Variants in P4HB observed in about 807,000 individuals in gnomAD.
P4HB encodes the protein protein disulfide-isomerase.
A neutral mutation model predicts 52.6 loss-of-function variants in P4HB; 20 were observed. The ratio of observed to expected loss-of-function variants is 0.38; its 90% confidence interval spans 0.27 to 0.55. P4HB has a LOEUF of 0.55. Ranked by LOEUF, P4HB falls within the 20% of genes least tolerant of loss-of-function variation. P4HB has a pLI of 0.74. For missense variants in P4HB, 601 were observed against 669.2 expected (o/e 0.90, Z 1.12); for synonymous variants, 296 against 277.9 (o/e 1.07, Z -0.65).
At chr17:81,849,024 C>T (rs1256623731) in intron 4 of P4HB, among the ~76,000 whole-genome samples, 2 of 142,866 alleles carry the variant, frequency 1.4e-5, no homozygotes, top group African/African-American at 5.2e-5. Context: ...CCAGCCTGGG[C>T]AACAGAGCAA....
At position 81,855,182 on chromosome 17, in the gene P4HB, T is replaced by C. The variant is rs1397087099; in HGVS notation, c.584A>G (p.Lys195Arg). 8 of 1,614,110 alleles carry C rather than the reference T, an allele frequency of 5.0e-6. No individual in the cohort carries two copies. Among genetic ancestry groups the C allele is most frequent in the Non-Finnish European group, 6.8e-6 (8 of 1,180,002 alleles). ...GITSNSDVFS[K>R]YQLDKDGVVL... Reference sequence around the variant, plus strand: ...AACCCCATCTTTGTCGAGCTGGTATTTGGAGAACACGTCACTGTTGGAAGT... The same window carrying C: ...AACCCCATCTTTGTCGAGCTGGTATCTGGAGAACACGTCACTGTTGGAAGT... Residue 195 changes from lysine (K) to arginine (R), a missense_variant, in exon 4 of 11, where the codon AAA (lysine) becomes AGA (arginine). Lys to Arg is a conservative substitution (Grantham distance 26, BLOSUM62 2). Coordinates refer to ENST00000331483, the MANE Select transcript of P4HB (RefSeq NM_000918.4). The surrounding 1 kb of genome is among the most constrained non-coding windows in gnomAD (Gnocchi z 4.3).
chr17:81,847,409 G>A (rs1425070858), intron 4 of P4HB, 62 bp from the exon 5 acceptor site: 7 of 1,421,598 alleles, frequency 4.9e-6, no homozygotes, highest in Non-Finnish European at 7.0e-6. Context: ...CCTGGGCCCG[G>A]GTCTCCCTGG....
chr17:81,859,155 G>GT (rs2038959075), intron 2 of P4HB, 26 bp downstream of exon 2: 1 of 1,605,220 alleles, frequency 6.2e-7, no homozygotes, highest in Admixed American at 1.7e-5. Context: ...TCTAAAGACA[G>GT]TTCAAGGGCA....
intron 4 of P4HB, among the ~76,000 whole-genome samples, chr17:81,854,604 T>C (rs1368643994): frequency 2.0e-5 from 3 of 151,352 alleles, no homozygotes; most frequent in Non-Finnish European, 4.4e-5. Flanking sequence ...CCCAGCACTT[T>C]GGGAGGCTGA....
intron 5 of P4HB, 59 bp downstream of exon 5, chr17:81,847,184 A>G: frequency 6.3e-7 from 1 of 1,599,754 alleles, no homozygotes; most frequent in Non-Finnish European, 8.6e-7. Context: ...CGGGAGCCTC[A>G]TGCCACCCCC....
In P4HB at chr17:81,843,557, G is replaced by A. The variant is rs577027305; in HGVS notation, c.*455C>T. 19 of 426,588 alleles carry A rather than the reference G, an allele frequency of 4.5e-5. No individual in the cohort carries two copies. The highest frequency in any genetic ancestry group is 6.1e-5 in the African/African-American group (3 of 49,336). 26.4% of individuals were successfully genotyped at this position (426,588 alleles called of 1,614,324 possible). A position where few individuals can be genotyped will look rare whatever the true frequency, so the allele number is the denominator to read the frequency against. ...GGTACTGAGTGACCATGTCCAGTCC[G>A]GCTCCGTCCCTCCCACACGGGGGAC... On this transcript the variant is annotated 3_prime_UTR_variant, in exon 11 of 11. Transcript: ENST00000331483.
At chr17:81,851,351 C>T (rs1369053692) in intron 4 of P4HB, among the ~76,000 whole-genome samples, 1 of 152,238 alleles carries the variant, frequency 6.6e-6, no homozygotes, top group Non-Finnish European at 1.5e-5. Context: ...CTCTTGTGCA[C>T]GCTGTGCCTG....
intron 1 of P4HB, chr17:81,860,045 T>G (rs2038974251): frequency 1.3e-5 from 4 of 304,010 alleles, no homozygotes; most frequent in Non-Finnish European, 6.1e-6. Flanking sequence ...GGCTGGACAC[T>G]GGCTTGCTCT....
chr17:81,856,513 T>C (rs1367902208), intron 2 of P4HB, among the ~76,000 whole-genome samples: 1 of 151,658 alleles, frequency 6.6e-6, no homozygotes, highest in African/African-American at 2.4e-5. Context: ...AATTTTTGTA[T>C]GTTTAGCAGA....
At chr17:81,856,301 G>C (rs1487601109) in intron 2 of P4HB, among the ~76,000 whole-genome samples, 1 of 151,716 alleles carries the variant, frequency 6.6e-6, no homozygotes, top group Non-Finnish European at 1.5e-5. Flanking sequence ...CAAGTAGCTG[G>C]GACCACAGGC....
chr17:81,858,138 G>A (rs1250137170), intron 2 of P4HB, among the ~76,000 whole-genome samples: 1 of 151,662 alleles, frequency 6.6e-6, no homozygotes, highest in Non-Finnish European at 1.5e-5. Flanking sequence ...CAGGCGTGGT[G>A]GTGCACACCT....
At chr17:81,844,300 A>G (rs1379836183) in intron 10 of P4HB, among the ~76,000 whole-genome samples, 5 of 152,222 alleles carry the variant, frequency 3.3e-5, no homozygotes, top group African/African-American at 1.2e-4. Flanking sequence ...TGCCTATAGC[A>G]GGATGAATCA....
In P4HB at chr17:81,859,283, C is replaced by T. The variant is rs762514795; in HGVS notation, c.250G>A (p.Ala84Thr). ...GSEIRLAKVD[A>T]TEESDLAQQY... ...TGGGCCAGGTCAGACTCCTCCGTGG[C>T]GTCCACCTTGGCCAACCTGATCTCG... Residue 84 changes from alanine to threonine, a missense_variant, in exon 2 of 11, where the codon GCC becomes ACC. By Grantham distance (58) the Ala-to-Thr change is moderately conservative. Coordinates refer to ENST00000331483, the MANE Select transcript of P4HB (RefSeq NM_000918.4). 8 of 1,614,026 alleles carry T rather than the reference C, an allele frequency of 5.0e-6. No individual in the cohort carries two copies. The highest frequency in any genetic ancestry group is 5.9e-6 in the Non-Finnish European group (7 of 1,180,022).
chr17:81,855,419 G>A lies in P4HB; in HGVS notation c.486+34C>T. 3 of 1,599,196 alleles carry A rather than the reference G, an allele frequency of 1.9e-6. No individual in the cohort carries two copies. The highest frequency in any genetic ancestry group is 1.7e-6 in the Non-Finnish European group (2 of 1,169,888). On this transcript the variant is annotated intron_variant, in intron 3 of 10. Transcript: ENST00000331483. This position sits in a 1 kb window ranked among gnomAD's most constrained non-coding sequence, Gnocchi z 4.3. ...GTGGACCCCTCCTCAATGGATGACG[G>A]AAGGAAGGAAGACTGGAATGCTCTG...
chr17:81,847,227 T>C lies in P4HB; in HGVS notation c.729+16A>G, dbSNP rs947118910. ...TCCTCCCCATCCCCAGCCTGGGGGCTGCAGGGCAGCCGCACCTGCTCGGTG... is the reference window on the plus strand; with the variant it reads ...TCCTCCCCATCCCCAGCCTGGGGGCCGCAGGGCAGCCGCACCTGCTCGGTG... On this transcript the variant is annotated intron_variant, in intron 5 of 10. Transcript: ENST00000331483. The C allele has an allele frequency of 3.1e-6, 5 of 1,611,816 alleles. No homozygotes were observed. Among genetic ancestry groups the C allele is most frequent in the African/African-American group, 2.7e-5 (2 of 74,886 alleles).
rs906801305 is a variant in P4HB at position 81,846,684 on chromosome 17, A to G, written c.856-55T>C. The G allele has an allele frequency of 1.3e-5, 20 of 1,545,078 alleles. No individual in the cohort carries two copies. Among genetic ancestry groups the G allele is most frequent in the Non-Finnish European group, 1.4e-5 (16 of 1,125,168 alleles). Reference sequence around the variant, plus strand: ...CGGGAGACGGCTGGCCTCTGCCTCCAGCCCTGACTTTGCTCGGAAGCAGAC... The same window carrying G: ...CGGGAGACGGCTGGCCTCTGCCTCCGGCCCTGACTTTGCTCGGAAGCAGAC... On this transcript the variant is annotated intron_variant, in intron 6 of 10. Transcript: ENST00000331483. This position sits in a 1 kb window ranked among gnomAD's most constrained non-coding sequence, Gnocchi z 5.7.
rs756810429 is a variant in P4HB at position 81,846,384 on chromosome 17, C to T, written c.1056+45G>A. On this transcript the variant is annotated intron_variant, in intron 7 of 10. Transcript: ENST00000331483. The surrounding 1 kb of genome is among the most constrained non-coding windows in gnomAD (Gnocchi z 5.7). ...TGAGAGCCCAGAGACCCCAAGGTGG[C>T]GGCTCTACCCGGGAGGCAGCCCTGG... 14 of 1,565,122 alleles carry T rather than the reference C, an allele frequency of 8.9e-6. No homozygotes were observed. Among genetic ancestry groups the T allele is most frequent in the Middle Eastern group, 1.8e-4 (1 of 5,554 alleles).
At chr17:81,851,056 G>T (rs2038823744) in intron 4 of P4HB, among the ~76,000 whole-genome samples, 1 of 151,832 alleles carries the variant, frequency 6.6e-6, no homozygotes, top group Non-Finnish European at 1.5e-5. Flanking sequence ...TCAGCCTCCT[G>T]AGTAGCTGGG....
rs776133642 is a variant in P4HB at position 81,855,513 on chromosome 17, G to C, written c.426C>G (p.Asp142Glu). 6.2e-7 allele frequency: 1 copy of C among 1,613,936 alleles called. No homozygotes were observed. Among genetic ancestry groups the C allele is most frequent in the Non-Finnish European group, 8.5e-7 (1 of 1,179,988 alleles). The change falls in exon 3 of 11, where the codon GAC becomes GAG. Residue 142 changes from aspartate (D) to glutamate (E), a missense_variant. Physicochemically the swap from Asp to Glu is conservative, Grantham distance 45. Coordinates refer to ENST00000331483, the MANE Select transcript of P4HB (RefSeq NM_000918.4). The surrounding 1 kb of genome is among the most constrained non-coding windows in gnomAD (Gnocchi z 4.3). ...CCACCAAGGACTCTGCAGCTGCGCC[G>C]TCAGGCAGGGTGGTGGCAGCCGGGC... ...RTGPAATTLP[D>E]GAAAESLVES...
Sources: allele counts gnomAD v4.1 joint callset (sites outside exome capture counted in the v4.1 genomes callset), GRCh38; gene constraint gnomAD v4.1.1; non-coding constraint Gnocchi (gnomAD v3.1); transcripts MANE v1.5; gene names NCBI Gene and HGNC (gene_info 2026-07-23, HGNC 2026-07-21).